Variants in NUDC observed in about 807,000 individuals in gnomAD.
NUDC encodes nuclear migration protein nudC.
Under a neutral mutation model 45.0 loss-of-function variants are expected in NUDC, and 14 were observed. The observed-to-expected ratio is 0.31, with a 90% CI of 0.21 to 0.49. The LOEUF is 0.49. Ranked by LOEUF, NUDC falls within the 20% of genes least tolerant of loss-of-function variation. The probability of loss-of-function intolerance (pLI) is 0.99; values close to 1 mark genes in which losing one functional copy is unlikely to be tolerated. For missense variants in NUDC, 323 were observed against 426.2 expected, an observed-to-expected ratio of 0.76 and a Z score of 2.13; for synonymous variants, 153 against 156.7, an observed-to-expected ratio of 0.98 and a Z score of 0.17.
At chr1:26,925,406 G>A (rs1355039905) in intron 2 of NUDC, among the ~76,000 whole-genome samples, 3 of 150,904 alleles carry the variant, frequency 2.0e-5, no homozygotes, top group Admixed American at 1.3e-4. Context: ...CAGGCGAGGT[G>A]GCGGGCGCCT....
chr1:26,939,160 A>G (rs1570741846), intron 2 of NUDC, among the ~76,000 whole-genome samples: 1 of 152,030 alleles, frequency 6.6e-6, no homozygotes, highest in Non-Finnish European at 1.5e-5. Flanking sequence ...CACCGGGCTC[A>G]TTTTTGGATT....
At chr1:26,900,522 T>G in intron 1 of NUDC, 1 of 1,218,490 alleles carries the variant, frequency 8.2e-7, no homozygotes, top group Non-Finnish European at 1.2e-6. Flanking sequence ...CGTTGCGAGA[T>G]TGTGAAAATT....
chr1:26,925,465 C>T (rs1570725653), intron 2 of NUDC, among the ~76,000 whole-genome samples: 1 of 137,096 alleles, frequency 7.3e-6, no homozygotes. Context: ...GCGTGAACCC[C>T]GGGGGGCGGA....
chr1:26,904,636 GC>G (rs2081994676), intron 2 of NUDC, among the ~76,000 whole-genome samples: 1 of 151,986 alleles, frequency 6.6e-6, no homozygotes, highest in South Asian at 2.1e-4. Flanking sequence ...AAGAGCATGG[GC>G]CCTGAAGACA....
chr1:26,902,955 C>G (rs1025190977), intron 2 of NUDC, among the ~76,000 whole-genome samples: 16 of 151,774 alleles, frequency 1.1e-4, no homozygotes, highest in Admixed American at 1.1e-3. Flanking sequence ...GAAGCTGAGG[C>G]ACGAGAATCG....
In NUDC at chr1:26,935,776, C is replaced by T. The variant is rs150890607; in HGVS notation, c.160-5681C>T. 3.8e-3 allele frequency among the ~76,000 whole-genome samples: 577 copies of T among 151,832 alleles called. 1 individual carries two copies. Among genetic ancestry groups the T allele is most frequent in the African/African-American group, 0.012 (512 of 41,392 alleles). On this transcript the variant is annotated intron_variant, in intron 2 of 8. Coordinates refer to ENST00000321265, the MANE Select transcript of NUDC (RefSeq NM_006600.4). ...TGATTCCTAATTCAAGTAAGGTTCA[C>T]ACTTTACACTGGGTGATAGAAACCT...
intron 3 of NUDC, chr1:26,911,249 T>C (rs1437354137): frequency 2.2e-6 from 1 of 452,898 alleles, no homozygotes; most frequent in African/African-American, 2.0e-5. Flanking sequence ...AGAGGGCGCC[T>C]GAAGTGGGTA....
intron 2 of NUDC, among the ~76,000 whole-genome samples, chr1:26,906,039 T>A (rs930319676): frequency 3.3e-5 from 5 of 152,106 alleles, no homozygotes; most frequent in African/African-American, 1.2e-4. Flanking sequence ...CCCAGCACTT[T>A]GGGAGGGCGA....
At chr1:26,900,161 A>T, upstream of NUDC, 1 of 1,614,136 alleles carries the variant, frequency 6.2e-7, no homozygotes, top group Non-Finnish European at 8.5e-7. Context: ...GGATTGGAGT[A>T]GAGTCTCGAG....
At chr1:26,911,662 C>G in intron 3 of NUDC, 2 of 705,964 alleles carry the variant, frequency 2.8e-6, no homozygotes, top group South Asian at 3.4e-5. Flanking sequence ...AGCTGGAACA[C>G]TGTGTCCAAA....
chr1:26,937,989 C>T (rs1042952468), intron 2 of NUDC, among the ~76,000 whole-genome samples: 2 of 152,202 alleles, frequency 1.3e-5, no homozygotes, highest in African/African-American at 2.4e-5. Context: ...TAAAATTCTT[C>T]TGCCTTCTGA....
At chr1:26,909,917 G>A (rs2124061931) in intron 2 of NUDC, among the ~76,000 whole-genome samples, 1 of 152,166 alleles carries the variant, frequency 6.6e-6, no homozygotes, top group African/African-American at 2.4e-5. Flanking sequence ...GAGCTGAGAG[G>A]AGGAGGGACA....
intron 2 of NUDC, among the ~76,000 whole-genome samples, chr1:26,928,031 G>C (rs1444054458): frequency 6.6e-6 from 1 of 152,130 alleles, no homozygotes; most frequent in African/African-American, 2.4e-5. Flanking sequence ...AGCACTTTTA[G>C]TTTTTATAGC....
chr1:26,927,185 A>G (rs1320836710), intron 2 of NUDC, among the ~76,000 whole-genome samples: 1 of 125,516 alleles, frequency 8.0e-6, no homozygotes, highest in African/African-American at 3.5e-5. Context: ...AGAGAGATGA[A>G]CCGTGTGTGT....
At position 26,929,742 on chromosome 1, in the gene NUDC, G is replaced by A. The variant is rs775502818; in HGVS notation, c.159+5576G>A. On this transcript the variant is annotated intron_variant, in intron 2 of 8. Transcript: ENST00000321265. ...TTACTGTTTAAAAACATAACTGTAG[G>A]GCCGGGCACAGTGGCTCATACCTGT... 1.4e-4 allele frequency: 61 copies of A among 426,540 alleles called. 1 individual carries two copies. In the Admixed American group the frequency reaches 1.4e-3, roughly 10 times the overall value. 26.4% of individuals were successfully genotyped at this position (426,540 alleles called of 1,614,324 possible).
intron 2 of NUDC, among the ~76,000 whole-genome samples, chr1:26,908,655 T>G (rs1340255927): frequency 6.6e-6 from 1 of 151,974 alleles, no homozygotes; most frequent in African/African-American, 2.4e-5. Flanking sequence ...AACTCCCAGC[T>G]CAAGTGATCC....
intron 8 of NUDC, 68 bp downstream of exon 8, chr1:26,945,754 T>C (rs1477596800): frequency 1.1e-5 from 12 of 1,094,226 alleles, no homozygotes; most frequent in Non-Finnish European, 1.6e-5. Context: ...GTGACAGCAG[T>C]GAGTGGATCA....
At chr1:26,932,254 G>A (rs1286469473) in intron 2 of NUDC, among the ~76,000 whole-genome samples, 4 of 150,626 alleles carry the variant, frequency 2.7e-5, no homozygotes, top group Non-Finnish European at 5.9e-5. Context: ...TTGGCTCACT[G>A]CAACCTCTGC....
At chr1:26,939,416 A>T (rs536043087) in intron 2 of NUDC, among the ~76,000 whole-genome samples, 2 of 152,170 alleles carry the variant, frequency 1.3e-5, no homozygotes, top group African/African-American at 2.4e-5. Context: ...CACTTGACCC[A>T]GGAGTTTGAG....
Sources: allele counts gnomAD v4.1 joint callset (sites outside exome capture counted in the v4.1 genomes callset), GRCh38; gene constraint gnomAD v4.1.1; transcripts MANE v1.5; gene names NCBI Gene and HGNC (gene_info 2026-07-23, HGNC 2026-07-21).